ETV1: variants seen among roughly 807,000 people sequenced by gnomAD.
The protein encoded by ETV1 is ETS translocation variant 1.
A neutral mutation model predicts 62.3 loss-of-function variants in ETV1; 27 were observed. The observed-to-expected ratio is 0.43, with a 90% CI of 0.32 to 0.60. ETV1 has a LOEUF of 0.60. Among genes scored for constraint, ETV1 ranks in the 20% least tolerant of loss-of-function variants. ETV1 has a pLI of 0.06. For synonymous variants in ETV1, 222 were observed against 199.6 expected (o/e 1.11, Z -0.94); for missense variants, 605 against 605.8 (o/e 1.00, Z 0.01).
chr7:13,906,139 G>A (rs1215937585), intron 12 of ETV1: 2 of 242,578 alleles, frequency 8.2e-6, no homozygotes, highest in Admixed American at 5.6e-5. Context: ...TAATTCAGAT[G>A]CTCCTTTAGA....
intron 9 of ETV1, among the ~76,000 whole-genome samples, chr7:13,912,602 A>C (rs1190501048): frequency 6.6e-6 from 1 of 152,208 alleles, no homozygotes; most frequent in Non-Finnish European, 1.5e-5. Flanking sequence ...AATGGATGGC[A>C]ATTTAGAAAT....
In ETV1 at chr7:13,941,770, T is replaced by C. The variant is rs918575625; in HGVS notation, c.236-2524A>G. ...CCTATAATTCCAGCTATCGGGAGGC[T>C]GGGGCACGAGAATCACTTGAACCCG... On this transcript the variant is annotated intron_variant, in intron 6 of 13. Coordinates refer to ENST00000430479, the MANE Select transcript of ETV1 (RefSeq NM_004956.5). Among the ~76,000 whole-genome samples the C allele has an allele frequency of 2.0e-5, 3 of 151,894 alleles. No homozygotes were observed. The East Asian group carries it at 5.9e-4, about 30-fold the overall frequency.
intron 4 of ETV1, among the ~76,000 whole-genome samples, chr7:13,987,225 C>T (rs747617885): frequency 9.9e-5 from 15 of 151,258 alleles, no homozygotes; most frequent in Non-Finnish European, 1.8e-4. Context: ...AAAATTTCTA[C>T]ATTAATAGGT....
intron 9 of ETV1, among the ~76,000 whole-genome samples, chr7:13,921,475 A>G (rs995953049): frequency 9.9e-5 from 15 of 152,054 alleles, no homozygotes; most frequent in African/African-American, 3.6e-4. Flanking sequence ...TCCGAAGGGG[A>G]AAAAAACACT....
chr7:13,917,558 T>A (rs1784319985), intron 9 of ETV1, among the ~76,000 whole-genome samples: 1 of 151,994 alleles, frequency 6.6e-6, no homozygotes, highest in South Asian at 2.1e-4. Context: ...CCTCAGGTGA[T>A]CTGCCGTCTT....
At chr7:13,967,579 C>T (rs1307696925) in intron 6 of ETV1, among the ~76,000 whole-genome samples, 1 of 152,020 alleles carries the variant, frequency 6.6e-6, no homozygotes, top group East Asian at 1.9e-4. Flanking sequence ...ACAATAGCAT[C>T]TAACCAAAAT....
At chr7:13,906,160 C>G in intron 12 of ETV1, 2 of 282,516 alleles carry the variant, frequency 7.1e-6, no homozygotes, top group Non-Finnish European at 6.5e-6. Flanking sequence ...AACCCTGAAG[C>G]CAGACATTCT....
chr7:13,985,636 A>G lies in ETV1; in HGVS notation c.181+1002T>C, dbSNP rs371250998. The G allele has an allele frequency of 1.4e-4, 22 of 160,104 alleles. No homozygotes were observed. In the East Asian group the frequency reaches 4.0e-3, roughly 29 times the overall value. 9.9% of individuals were successfully genotyped at this position (160,104 alleles called of 1,614,324 possible). ...TCTTAAAATCTGTTCCAAAATTTGC[A>G]TGTTTCCCATATAATGTGAACACAC... On this transcript the variant is annotated intron_variant, in intron 5 of 13. Transcript: ENST00000430479.
At chr7:13,965,185 C>T (rs1790641993) in intron 6 of ETV1, among the ~76,000 whole-genome samples, 1 of 152,192 alleles carries the variant, frequency 6.6e-6, no homozygotes, top group Non-Finnish European at 1.5e-5. Context: ...TTATCATAAA[C>T]ATCTCTTGAA....
intron 13 of ETV1, among the ~76,000 whole-genome samples, chr7:13,898,415 G>T (rs959728075): frequency 1.4e-4 from 22 of 152,160 alleles, no homozygotes; most frequent in African/African-American, 4.6e-4. Context: ...AAAACAAAGG[G>T]TCTATAATTA....
At chr7:13,963,094 T>A (rs1162319797) in intron 6 of ETV1, among the ~76,000 whole-genome samples, 2 of 152,148 alleles carry the variant, frequency 1.3e-5, no homozygotes, top group Non-Finnish European at 2.9e-5. Context: ...CTGTATGAGC[T>A]TTGTCTACTC....
At chr7:13,970,272 A>ACACG (rs1780754692) in intron 6 of ETV1, among the ~76,000 whole-genome samples, 1 of 15,590 alleles carries the variant, frequency 6.4e-5, no homozygotes, top group African/African-American at 2.1e-4. Flanking sequence ...AAACACACAC[A>ACACG]CACACACACA....
Position 13,931,583 on chromosome 7 carries a change from T to C in ETV1, c.721A>G (p.Met241Val), listed in dbSNP as rs1028802115. Residue 241 changes from methionine to valine, a missense_variant, in exon 9 of 14, where the codon ATG becomes GTG. This residue lies in a region of ETV1 where 426 missense variants were observed against 377.8 expected (regional missense o/e 1.13). Coordinates refer to ENST00000430479, the MANE Select transcript of ETV1 (RefSeq NM_004956.5). ...YHDPVYEHNT[M>V]VGSAASQSFP... is the part of the protein sequence containing the mutation. Reference sequence around the variant, plus strand: ...CTTTGGCTGGCCGCACTGCCAACCATGGTGTTGTGTTCATACACTGGGTCG... The same window carrying C: ...CTTTGGCTGGCCGCACTGCCAACCACGGTGTTGTGTTCATACACTGGGTCG... 6 of 1,613,930 alleles carry C rather than the reference T, an allele frequency of 3.7e-6. No individual in the cohort carries two copies. The African/African-American group carries it at 5.3e-5, about 14-fold the overall frequency.
chr7:13,907,940 T>C (rs1393107062), intron 11 of ETV1: 1 of 398,678 alleles, frequency 2.5e-6, no homozygotes, highest in Non-Finnish European at 5.1e-6. Context: ...TATAGAAGTG[T>C]ATCTTCATAT....
At chr7:13,930,803 T>A (rs1285200110) in intron 9 of ETV1, among the ~76,000 whole-genome samples, 1 of 151,392 alleles carries the variant, frequency 6.6e-6, no homozygotes, top group Non-Finnish European at 1.5e-5. Context: ...TATATTTTTT[T>A]TTTTTTGAGA....
chr7:13,927,553 G>A (rs1785575636), intron 9 of ETV1, among the ~76,000 whole-genome samples: 1 of 152,064 alleles, frequency 6.6e-6, no homozygotes. Flanking sequence ...ACCAATAGGT[G>A]AAAAAAGAAA....
In ETV1 at chr7:13,895,527, T is replaced by A. The variant is rs1388854786; in HGVS notation, c.*339A>T. 2 of 300,116 alleles carry A rather than the reference T, an allele frequency of 6.7e-6. No homozygotes were observed. Among genetic ancestry groups the A allele is most frequent in the African/African-American group, 4.2e-5 (2 of 47,882 alleles). The allele number at this position is 300,116 out of a possible 1,614,324, so 18.6% of individuals were successfully genotyped here. On this transcript the variant is annotated 3_prime_UTR_variant, in exon 14 of 14. Coordinates refer to ENST00000430479, the MANE Select transcript of ETV1 (RefSeq NM_004956.5). ...TAAAATAAACATTATCTTATGTTGTTATGAAATCAAACAGACATGATATAG... is the reference window on the plus strand; with the variant it reads ...TAAAATAAACATTATCTTATGTTGTAATGAAATCAAACAGACATGATATAG...
intron 9 of ETV1, 126 bp from the exon 10 acceptor site, chr7:13,911,433 C>A: frequency 1.6e-6 from 1 of 633,922 alleles, no homozygotes; most frequent in South Asian, 1.8e-5. Context: ...AACATGTCAA[C>A]ATATAATCAA....
chr7:13,919,382 T>C (rs1177924346), intron 9 of ETV1, among the ~76,000 whole-genome samples: 2 of 143,116 alleles, frequency 1.4e-5, no homozygotes, highest in Admixed American at 1.4e-4. Context: ...ACCCACATAC[T>C]AAAAAAAAAA....
Sources: gnomAD v4.1 joint callset for allele counts (sites outside exome capture counted in the v4.1 genomes callset) on GRCh38, gnomAD v4.1.1 for gene constraint, gnomAD v4.1.1 regional missense constraint, MANE v1.5 for transcripts, NCBI Gene and HGNC (gene_info 2026-07-23, HGNC 2026-07-21) for gene names.